The following DLEU7 variants were observed in gnomAD, a reference collection of about 807,000 sequenced individuals.
DLEU7 encodes the protein deleted in lymphocytic leukemia 7.
In DLEU7, 17 loss-of-function variants were observed where a neutral mutation model predicts 16.0. That is an observed-to-expected ratio of 1.06 (90% CI 0.73 to 1.59). The LOEUF is 1.59. Ranked by LOEUF, DLEU7 falls within the 40% of genes most tolerant of loss-of-function variation. The pLI is 0.00. For synonymous variants in DLEU7, 113 were observed against 139.8 expected (o/e 0.81, Z 1.35); for missense variants, 308 against 314.9 (o/e 0.98, Z 0.17).
At chr13:50,783,382 A>G (rs993308660) in intron 1 of DLEU7, among the ~76,000 whole-genome samples, 3 of 152,208 alleles carry the variant, frequency 2.0e-5, no homozygotes, top group Non-Finnish European at 4.4e-5. Flanking sequence ...ATTCTAATCT[A>G]TATTTTCAGG....
chr13:50,758,852 C>T (rs1472760576), intron 1 of DLEU7, among the ~76,000 whole-genome samples: 1 of 152,204 alleles, frequency 6.6e-6, no homozygotes, highest in East Asian at 1.9e-4. Context: ...CACTCCTTTA[C>T]TTAGCTATTG....
intron 1 of DLEU7, among the ~76,000 whole-genome samples, chr13:50,729,580 T>G (rs989770526): frequency 3.9e-5 from 6 of 152,230 alleles, no homozygotes; most frequent in African/African-American, 1.4e-4. Context: ...ATGGTACTTC[T>G]GTTTTAAGTT....
At chr13:50,772,644 C>G (rs559641850) in intron 1 of DLEU7, among the ~76,000 whole-genome samples, 1 of 152,314 alleles carries the variant, frequency 6.6e-6, no homozygotes, top group Admixed American at 6.5e-5. Flanking sequence ...CACTGTTAGT[C>G]TGATGGGCTT....
At chr13:50,828,456 T>C (rs1030642370) in intron 1 of DLEU7, among the ~76,000 whole-genome samples, 2 of 152,244 alleles carry the variant, frequency 1.3e-5, no homozygotes, top group African/African-American at 2.4e-5. Context: ...AAATACTTTA[T>C]ACTGAACTAT....
intron 1 of DLEU7, among the ~76,000 whole-genome samples, chr13:50,746,985 T>C (rs1183907162): frequency 1.3e-5 from 2 of 152,116 alleles, no homozygotes; most frequent in African/African-American, 4.8e-5. Flanking sequence ...ATAGAGTGAA[T>C]ATAAGCATCT....
At chr13:50,762,992 T>C (rs751329531) in intron 1 of DLEU7, among the ~76,000 whole-genome samples, 4 of 152,058 alleles carry the variant, frequency 2.6e-5, no homozygotes, top group Non-Finnish European at 1.5e-5. Flanking sequence ...CAAGTGCATA[T>C]GTAATGGTAG....
At chr13:50,763,723 T>C (rs1321918734) in intron 1 of DLEU7, among the ~76,000 whole-genome samples, 2 of 152,240 alleles carry the variant, frequency 1.3e-5, no homozygotes, top group Admixed American at 1.3e-4. Flanking sequence ...GGATCTGCCC[T>C]GCAGGCTTCC....
chr13:50,743,722 T>A (rs376664635), intron 1 of DLEU7, among the ~76,000 whole-genome samples: 1 of 152,216 alleles, frequency 6.6e-6, no homozygotes, highest in Non-Finnish European at 1.5e-5. Flanking sequence ...AATAAGCTCA[T>A]GCATTATACT....
chr13:50,745,829 G>A (rs1874378056), intron 1 of DLEU7, among the ~76,000 whole-genome samples: 1 of 151,944 alleles, frequency 6.6e-6, no homozygotes, highest in African/African-American at 2.4e-5. Context: ...CTATTTAATA[G>A]GAAAGACAGG....
chr13:50,775,209 G>T lies in DLEU7; in HGVS notation c.460-61969C>A, dbSNP rs573560515. Among the ~76,000 whole-genome samples the T allele has an allele frequency of 7.9e-5, 12 of 151,686 alleles. 1 individual carries two copies. The highest frequency in any genetic ancestry group is 2.7e-4 in the African/African-American group (11 of 41,344). ...TTGTGGGTGATGTTTTATGGAGACT[G>T]GATTCTGTTATCTTCCTCTGAAGAA... On this transcript the variant is annotated intron_variant, in intron 1 of 1. Transcript: ENST00000400393.
At chr13:50,797,747 T>C (rs1372996466) in intron 1 of DLEU7, among the ~76,000 whole-genome samples, 2 of 152,172 alleles carry the variant, frequency 1.3e-5, no homozygotes, top group African/African-American at 4.8e-5. Context: ...GTACACTGAA[T>C]ATCCCTTTGG....
chr13:50,747,043 C>T (rs960711856), intron 1 of DLEU7, among the ~76,000 whole-genome samples: 1 of 152,064 alleles, frequency 6.6e-6, no homozygotes, highest in Non-Finnish European at 1.5e-5. Context: ...AATTTTCGTG[C>T]AATATAACCA....
intron 1 of DLEU7, among the ~76,000 whole-genome samples, chr13:50,796,909 A>T (rs1350872198): frequency 1.3e-5 from 2 of 152,142 alleles, no homozygotes; most frequent in Non-Finnish European, 2.9e-5. Context: ...TGTGAGCAAG[A>T]AGTAGAATGT....
At chr13:50,717,825 TTC>T (rs1187909230) in intron 1 of DLEU7, among the ~76,000 whole-genome samples, 2 of 152,232 alleles carry the variant, frequency 1.3e-5, no homozygotes, top group Admixed American at 1.3e-4. Flanking sequence ...AATTCTGCTA[TTC>T]TGTTATAAAG....
chr13:50,736,283 T>C (rs1874067142), intron 1 of DLEU7, among the ~76,000 whole-genome samples: 2 of 152,192 alleles, frequency 1.3e-5, no homozygotes, highest in Middle Eastern at 3.4e-3. Context: ...TTCTCACTTA[T>C]AAGTGGCAGC....
chr13:50,796,781 G>A (rs1876119109), intron 1 of DLEU7, among the ~76,000 whole-genome samples: 1 of 152,086 alleles, frequency 6.6e-6, no homozygotes, highest in South Asian at 2.1e-4. Context: ...TGACTGAACA[G>A]TGAGGTTTAT....
At chr13:50,769,285 A>G (rs564785028) in intron 1 of DLEU7, among the ~76,000 whole-genome samples, 1 of 152,246 alleles carries the variant, frequency 6.6e-6, no homozygotes, top group Admixed American at 6.5e-5. Context: ...GAAGCTCTTT[A>G]GTTTCATTAG....
Position 50,843,410 on chromosome 13 carries a change from G to A in DLEU7, c.237C>T (p.Thr79=). ...GGGVGTRSRR[T]AARANSPEEE... is the part of the protein sequence containing the mutation. ...CCTCTGGGGAGTTCGCCCGCGCCGC[G>A]GTCCGCCGACTCCTGGTCCCCACGC... is the stretch of plus-strand genomic sequence containing the variant. The change falls in exon 1 of 2, where the codon ACC becomes ACT. Residue 79 remains threonine (T), a synonymous_variant. Coordinates refer to ENST00000504404, the MANE Select transcript of DLEU7 (RefSeq NM_001306135.2). This position sits in a 1 kb window ranked among gnomAD's most constrained non-coding sequence, Gnocchi z 5.7. The A allele has an allele frequency of 1.5e-6, 2 of 1,315,406 alleles. No individual in the cohort carries two copies. The highest frequency in any genetic ancestry group is 2.8e-4 in the Middle Eastern group (1 of 3,596). 81.5% of individuals were successfully genotyped at this position (1,315,406 alleles called of 1,614,324 possible). A position where few individuals can be genotyped will look rare whatever the true frequency, so the allele number is the denominator to read the frequency against.
chr13:50,713,909 ACT>A (rs1873365256), intron 1 of DLEU7, among the ~76,000 whole-genome samples: 1 of 152,038 alleles, frequency 6.6e-6, no homozygotes, highest in Non-Finnish European at 1.5e-5. Context: ...AACGACCCAG[ACT>A]CTGCCCGCAT....
Sources: gnomAD v4.1 joint callset for allele counts (sites outside exome capture counted in the v4.1 genomes callset) on GRCh38, gnomAD v4.1.1 for gene constraint, Gnocchi (gnomAD v3.1) non-coding constraint, MANE v1.5 for transcripts, NCBI Gene and HGNC (gene_info 2026-07-23, HGNC 2026-07-21) for gene names.